LIX1: variants seen among roughly 807,000 people sequenced by gnomAD.
The protein encoded by LIX1 is protein limb expression 1 homolog.
Under a neutral mutation model 33.4 loss-of-function variants are expected in LIX1, and 24 were observed. The observed-to-expected ratio is 0.72, with a 90% CI of 0.52 to 1.01. LIX1 has a LOEUF of 1.01. Among genes scored for constraint, LIX1 ranks in the 50% least tolerant of loss-of-function variants. The probability of loss-of-function intolerance (pLI) is 0.00; values close to 1 mark genes in which losing one functional copy is unlikely to be tolerated. For synonymous variants in LIX1, 124 were observed against 124.0 expected, an observed-to-expected ratio of 1.00 and a Z score of 0.00; for missense variants, 311 against 339.2, an observed-to-expected ratio of 0.92 and a Z score of 0.65.
In LIX1 at chr5:97,103,146, T is replaced by C. The variant is rs1291877508; in HGVS notation, c.483+2044A>G. 6.9e-6 allele frequency: 3 copies of C among 436,296 alleles called. No individual in the cohort carries two copies. In the Admixed American group the frequency reaches 8.1e-5, roughly 12 times the overall value. The allele number at this position is 436,296 out of a possible 1,614,324, so 27.0% of individuals were successfully genotyped here. ...TTCTTTCTCTTGAAAAAATACCTCT[T>C]TTTAAAAGTATTATTCCTCTGTTTA... On this transcript the variant is annotated intron_variant, in intron 4 of 5. Transcript: ENST00000274382.
At chr5:97,113,124 C>T (rs1167254760) in intron 2 of LIX1, among the ~76,000 whole-genome samples, 1 of 152,222 alleles carries the variant, frequency 6.6e-6, no homozygotes, top group African/African-American at 2.4e-5. Flanking sequence ...ATGTTATGAG[C>T]AGTCCCAAGG....
chr5:97,094,890 C>G lies in LIX1; in HGVS notation c.707G>C (p.Arg236Thr). 1 of 1,614,200 alleles carries G rather than the reference C, an allele frequency of 6.2e-7. No homozygotes were observed. The highest frequency in any genetic ancestry group is 8.5e-7 in the Non-Finnish European group (1 of 1,180,048). ...AAACCGTAGTTCTTGTCCTGCTTTC[C>G]TGGCTTCCTCCAACTGCCTCAGGGC... is the stretch of plus-strand genomic sequence containing the variant. ...RMALRQLEEA[R>T]KAGQELRFYK... The change falls in exon 6 of 6, where the codon AGG (arginine) becomes ACG (threonine). Residue 236 changes from arginine to threonine, a missense_variant. By Grantham distance (71) the Arg-to-Thr change is moderately conservative. Transcript: ENST00000274382.
At chr5:97,135,388 A>G (rs1169760927) in intron 1 of LIX1, among the ~76,000 whole-genome samples, 2 of 152,196 alleles carry the variant, frequency 1.3e-5, no homozygotes. Context: ...TGTGGTTTAT[A>G]TGTGCACATT....
chr5:97,127,957 C>T (rs763319164), intron 1 of LIX1, among the ~76,000 whole-genome samples: 1 of 152,120 alleles, frequency 6.6e-6, no homozygotes, highest in African/African-American at 2.4e-5. Context: ...CTCCCATGGC[C>T]TATTTTTAAA....
chr5:97,119,753 T>A (rs1316130452), intron 2 of LIX1, among the ~76,000 whole-genome samples: 1 of 152,032 alleles, frequency 6.6e-6, no homozygotes, highest in Non-Finnish European at 1.5e-5. Context: ...CTTTTTTTTT[T>A]AAGACCACAG....
At chr5:97,095,074 AG>A (rs757925898) in intron 5 of LIX1, 39 bp from the exon 6 acceptor site, 1 of 1,592,548 alleles carries the variant, frequency 6.3e-7, no homozygotes, top group African/African-American at 1.3e-5. Context: ...GTCAATAAAA[AG>A]CAACAAAGGC....
chr5:97,102,969 A>G, intron 4 of LIX1: 1 of 424,888 alleles, frequency 2.4e-6, no homozygotes, highest in Non-Finnish European at 4.6e-6. Context: ...TAAATGTTAC[A>G]CTACTTAAAT....
intron 4 of LIX1, among the ~76,000 whole-genome samples, chr5:97,098,932 G>A (rs1224142709): frequency 6.6e-6 from 1 of 152,144 alleles, no homozygotes; most frequent in Non-Finnish European, 1.5e-5. Flanking sequence ...CTTCTTTTCT[G>A]TCAGAGATCC....
At chr5:97,116,732 C>A (rs532056926) in intron 2 of LIX1, among the ~76,000 whole-genome samples, 1 of 151,540 alleles carries the variant, frequency 6.6e-6, no homozygotes, top group Non-Finnish European at 1.5e-5. Flanking sequence ...GTAGACAAGA[C>A]GAATTGATCA....
chr5:97,129,216 A>C (rs1300350381), intron 1 of LIX1, among the ~76,000 whole-genome samples: 1 of 152,098 alleles, frequency 6.6e-6, no homozygotes, highest in Non-Finnish European at 1.5e-5. Context: ...CTCTTTTTCA[A>C]GACTTGCTTC....
intron 5 of LIX1, among the ~76,000 whole-genome samples, chr5:97,096,596 G>T (rs1275732295): frequency 1.3e-5 from 2 of 152,152 alleles, no homozygotes; most frequent in Non-Finnish European, 2.9e-5. Flanking sequence ...ATCTAAATCA[G>T]TCCTGTGCCC....
In LIX1 at chr5:97,112,096, T is replaced by C. The variant is rs149666535; in HGVS notation, c.247-4596A>G. On this transcript the variant is annotated intron_variant, in intron 2 of 5. Transcript: ENST00000274382. ...GACAAGTACTTCAAAATGTCTATAA[T>C]GTTAACCAGCCGCTTTCTTCTAAAT... 9.8e-4 allele frequency among the ~76,000 whole-genome samples: 149 copies of C among 152,384 alleles called. 2 individuals carry two copies. The East Asian group carries it at 0.027, about 28-fold the overall frequency.
chr5:97,103,632 C>T (rs542374918), intron 4 of LIX1, among the ~76,000 whole-genome samples: 41 of 152,264 alleles, frequency 2.7e-4, no homozygotes, highest in African/African-American at 6.7e-4. Context: ...AGACAGGCTA[C>T]GTCAAAGGTC....
chr5:97,114,277 T>C (rs1035608680), intron 2 of LIX1, among the ~76,000 whole-genome samples: 9 of 152,194 alleles, frequency 5.9e-5, no homozygotes, highest in African/African-American at 2.2e-4. Context: ...GGCTGGAAGA[T>C]CACTTGAACT....
chr5:97,134,653 T>G lies in LIX1; in HGVS notation c.82+7842A>C, dbSNP rs978627365. On this transcript the variant is annotated intron_variant, in intron 1 of 5. Transcript: ENST00000274382. ...CAATTGAAAGGGTAAGCTCAAGGTGTGACGCTGATTTACATTCATGAAAAT... is the reference window on the plus strand; with the variant it reads ...CAATTGAAAGGGTAAGCTCAAGGTGGGACGCTGATTTACATTCATGAAAAT... 2.0e-5 allele frequency among the ~76,000 whole-genome samples: 3 copies of G among 152,222 alleles called. No homozygotes were observed. The South Asian group carries it at 6.2e-4, about 32-fold the overall frequency.
intron 1 of LIX1, among the ~76,000 whole-genome samples, chr5:97,140,234 G>GTGTGTTTGTGTGTT (rs1210946918): frequency 1.3e-5 from 2 of 152,190 alleles, no homozygotes; most frequent in Non-Finnish European, 2.9e-5. Flanking sequence ...GTGCATGTGT[G>GTGTGTTTGTGTGTT]TGTGTTTGTG....
intron 1 of LIX1, among the ~76,000 whole-genome samples, chr5:97,132,689 G>T (rs780679564): frequency 6.6e-6 from 1 of 152,184 alleles, no homozygotes; most frequent in Non-Finnish European, 1.5e-5. Flanking sequence ...CTTGTCCTTT[G>T]CCCTTGCCAA....
At chr5:97,136,078 G>A (rs937195469) in intron 1 of LIX1, among the ~76,000 whole-genome samples, 27 of 152,208 alleles carry the variant, frequency 1.8e-4, no homozygotes, top group Admixed American at 3.3e-4. Flanking sequence ...TGGCTCTAAA[G>A]AGCATGGTGC....
chr5:97,105,295 G>T lies in LIX1; in HGVS notation c.388-10C>A. On this transcript the variant is annotated splice_polypyrimidine_tract_variant and intron_variant, in intron 3 of 5. Coordinates refer to ENST00000274382, the MANE Select transcript of LIX1 (RefSeq NM_153234.5). The stretch of plus-strand genomic sequence containing the variant: ...CATCATCTAAGGTGCCCTTGGGAAA[G>T]AAAGCAGAAAAAGAAAAATTACTGA... 1.2e-6 allele frequency: 2 copies of T among 1,609,886 alleles called. No individual in the cohort carries two copies. Among genetic ancestry groups the T allele is most frequent in the Non-Finnish European group, 8.5e-7 (1 of 1,177,068 alleles).
Sources: allele counts gnomAD v4.1 joint callset (sites outside exome capture counted in the v4.1 genomes callset), GRCh38; gene constraint gnomAD v4.1.1; transcripts MANE v1.5; gene names NCBI Gene and HGNC (gene_info 2026-07-23, HGNC 2026-07-21).